The following SGCD variants were observed in gnomAD, a reference collection of about 807,000 sequenced individuals.
SGCD encodes the protein delta-sarcoglycan.
A neutral mutation model predicts 36.6 loss-of-function variants in SGCD; 18 were observed. The observed-to-expected ratio is 0.49, with a 90% CI of 0.34 to 0.73. The LOEUF is 0.73. Ranked by LOEUF, SGCD falls within the 30% of genes least tolerant of loss-of-function variation. SGCD has a pLI of 0.01. For missense variants in SGCD, 387 were observed against 346.7 expected (o/e 1.12, Z -0.92); for synonymous variants, 133 against 130.6 (o/e 1.02, Z -0.12).
chr5:156,381,616 A>G (rs1770982366), intron 3 of SGCD, among the ~76,000 whole-genome samples: 3 of 152,144 alleles, frequency 2.0e-5, no homozygotes, highest in Admixed American at 2.0e-4. Flanking sequence ...TGCATTTTAT[A>G]TTTCTATATG....
chr5:155,993,575 C>T lies in SGCD; in HGVS notation c.-282+123151C>T, dbSNP rs141420847. 7.3e-3 allele frequency among the ~76,000 whole-genome samples: 1,115 copies of T among 152,212 alleles called. 10 individuals are homozygous for T. Among genetic ancestry groups the T allele is most frequent in the African/African-American group, 0.026 (1,073 of 41,540 alleles). On this transcript the variant is annotated intron_variant, in intron 1 of 9. Transcript: ENST00000517913. Reference sequence around the variant, plus strand: ...GGCCAGACTGGTCTCGAACTCCTGGCCTCAAGTGATCCACCCGCCTCAGCC... The same window carrying T: ...GGCCAGACTGGTCTCGAACTCCTGGTCTCAAGTGATCCACCCGCCTCAGCC...
chr5:156,180,299 T>C (rs1049549119), intron 3 of SGCD, among the ~76,000 whole-genome samples: 2 of 152,110 alleles, frequency 1.3e-5, no homozygotes, highest in East Asian at 1.9e-4. Context: ...TACTCTAAGA[T>C]AGGGAATGAG....
intron 4 of SGCD, among the ~76,000 whole-genome samples, chr5:156,583,802 A>G (rs190138324): frequency 6.6e-6 from 1 of 152,324 alleles, no homozygotes; most frequent in Admixed American, 6.5e-5. Flanking sequence ...ACTCAAATAT[A>G]TTTGGGAATT....
intron 3 of SGCD, among the ~76,000 whole-genome samples, chr5:156,294,954 T>C (rs1229309691): frequency 6.6e-6 from 1 of 152,168 alleles, no homozygotes; most frequent in Non-Finnish European, 1.5e-5. Flanking sequence ...TTGTAGTGTT[T>C]GTCTGTCTTC....
chr5:156,191,198 C>T (rs1327783089), intron 3 of SGCD, among the ~76,000 whole-genome samples: 2 of 152,012 alleles, frequency 1.3e-5, no homozygotes, highest in East Asian at 3.9e-4. Context: ...ATTAGAGTTA[C>T]ACCTTACAGA....
chr5:156,246,127 AGT>A (rs1765432319), intron 3 of SGCD, among the ~76,000 whole-genome samples: 1 of 152,182 alleles, frequency 6.6e-6, no homozygotes, highest in African/African-American at 2.4e-5. Context: ...TGTCTGTAAG[AGT>A]GAGGATTATC....
chr5:156,008,487 C>A (rs369375670), intron 1 of SGCD, among the ~76,000 whole-genome samples: 1 of 152,224 alleles, frequency 6.6e-6, no homozygotes, highest in East Asian at 1.9e-4. Context: ...GTGATCCTGC[C>A]TCCTTAGCCT....
At chr5:156,169,781 A>C (rs1184713967) in intron 3 of SGCD, among the ~76,000 whole-genome samples, 2 of 151,850 alleles carry the variant, frequency 1.3e-5, no homozygotes, top group Non-Finnish European at 2.9e-5. Flanking sequence ...TGAGGTTCCG[A>C]GTGGGATTGG....
intron 3 of SGCD, among the ~76,000 whole-genome samples, chr5:156,350,427 C>G (rs776701880): frequency 1.3e-5 from 2 of 151,588 alleles, no homozygotes; most frequent in Non-Finnish European, 2.9e-5. Context: ...GTTTGTGAAA[C>G]CTTGGTGATC....
chr5:155,983,727 A>G (rs1758275077), intron 1 of SGCD, among the ~76,000 whole-genome samples: 1 of 152,228 alleles, frequency 6.6e-6, no homozygotes, highest in Non-Finnish European at 1.5e-5. Context: ...AATATATAAA[A>G]ATTATATTTT....
At chr5:156,729,640 C>T (rs1432670842) in intron 7 of SGCD, among the ~76,000 whole-genome samples, 2 of 152,142 alleles carry the variant, frequency 1.3e-5, no homozygotes, top group African/African-American at 4.8e-5. Flanking sequence ...TAAGATTAGC[C>T]ATCCCAGGCT....
chr5:156,128,236 C>T (rs1762227499), intron 3 of SGCD, among the ~76,000 whole-genome samples: 1 of 152,076 alleles, frequency 6.6e-6, no homozygotes. Flanking sequence ...AATGAGAGCA[C>T]CAAAAGTTAA....
At chr5:156,209,411 A>C (rs1159186622) in intron 3 of SGCD, among the ~76,000 whole-genome samples, 2 of 152,106 alleles carry the variant, frequency 1.3e-5, no homozygotes, top group African/African-American at 4.8e-5. Context: ...AGGCACCAGG[A>C]TTACTCTAGG....
At chr5:156,538,043 G>T (rs1160927312) in intron 4 of SGCD, among the ~76,000 whole-genome samples, 2 of 151,764 alleles carry the variant, frequency 1.3e-5, no homozygotes, top group Non-Finnish European at 2.9e-5. Context: ...AAGCCATCTT[G>T]GTTAGTGATA....
At chr5:155,796,929 AT>A in the SGCD span, among the ~76,000 whole-genome samples, 1 of 152,068 alleles carries the variant, frequency 6.6e-6, no homozygotes. Context: ...GGTAAAATTA[AT>A]TGAAGAAAAA....
chr5:155,992,205 C>A (rs1313442524), intron 1 of SGCD, among the ~76,000 whole-genome samples: 1 of 152,124 alleles, frequency 6.6e-6, no homozygotes, highest in Non-Finnish European at 1.5e-5. Flanking sequence ...AGATATAGAC[C>A]TCTTGAAACC....
chr5:156,530,973 A>T (rs767245106), intron 4 of SGCD, among the ~76,000 whole-genome samples: 20 of 152,088 alleles, frequency 1.3e-4, no homozygotes, highest in Non-Finnish European at 1.9e-4. Flanking sequence ...CGGGTTAGGG[A>T]GTGTTGTGGT....
intron 1 of SGCD, among the ~76,000 whole-genome samples, chr5:155,950,562 A>T (rs1014079501): frequency 1.3e-5 from 2 of 152,180 alleles, no homozygotes; most frequent in Non-Finnish European, 2.9e-5. Flanking sequence ...GCACCATACC[A>T]ATCAAATGGA....
At chr5:156,290,223 A>G (rs1333747661) in intron 3 of SGCD, among the ~76,000 whole-genome samples, 1 of 152,108 alleles carries the variant, frequency 6.6e-6, no homozygotes, top group Non-Finnish European at 1.5e-5. Flanking sequence ...GAGACAGAGA[A>G]AGCTTAAGTA....
Sources: gnomAD v4.1 joint callset for allele counts (sites outside exome capture counted in the v4.1 genomes callset) on GRCh38, gnomAD v4.1.1 for gene constraint, MANE v1.5 for transcripts, NCBI Gene and HGNC (gene_info 2026-07-23, HGNC 2026-07-21) for gene names.